Variants in FAR1 observed in about 807,000 individuals in gnomAD.
FAR1 encodes fatty acyl-CoA reductase 1, also known as male sterility domain-containing protein 2.
Under a neutral mutation model 61.1 loss-of-function variants are expected in FAR1, and 22 were observed. The ratio of observed to expected loss-of-function variants is 0.36; its 90% CI spans 0.26 to 0.51. The LOEUF (loss-of-function observed/expected upper bound fraction) is 0.51, where lower values mean the gene tolerates loss of function less well. Among genes scored for constraint, FAR1 ranks in the 20% least tolerant of loss-of-function variants. FAR1 has a pLI of 0.95. For missense variants in FAR1, 359 were observed against 626.9 expected, an observed-to-expected ratio of 0.57 and a Z score of 4.56; for synonymous variants, 206 against 209.7, an observed-to-expected ratio of 0.98 and a Z score of 0.15.
intron 1 of FAR1, among the ~76,000 whole-genome samples, chr11:13,688,693 G>C (rs1448608673): frequency 6.6e-6 from 1 of 152,020 alleles, no homozygotes; most frequent in Admixed American, 6.6e-5. Context: ...AGCTGATCTA[G>C]GTATGTTCTC....
intron 1 of FAR1, among the ~76,000 whole-genome samples, chr11:13,687,375 A>C (rs903058362): frequency 1.3e-5 from 2 of 152,304 alleles, no homozygotes; most frequent in Admixed American, 1.3e-4. Flanking sequence ...CCCTTCCCCA[A>C]GTGTGTGGGA....
At chr11:13,686,150 C>T (rs1047595649) in intron 1 of FAR1, among the ~76,000 whole-genome samples, 4 of 152,148 alleles carry the variant, frequency 2.6e-5, no homozygotes, top group African/African-American at 4.8e-5. Context: ...TGCTGAGGGA[C>T]CTCAGGCAAG....
intron 1 of FAR1, among the ~76,000 whole-genome samples, chr11:13,680,172 G>A (rs553440226): frequency 8.6e-4 from 131 of 152,334 alleles, no homozygotes; most frequent in African/African-American, 2.5e-3. Context: ...GGAACCCACT[G>A]TTATTAGGAG....
At chr11:13,724,621 G>GT (rs141541039) in intron 10 of FAR1, among the ~76,000 whole-genome samples, 188 of 150,692 alleles carry the variant, frequency 1.2e-3, no homozygotes, top group African/African-American at 4.4e-3. Flanking sequence ...TTTTCATCCA[G>GT]TGCCAGCTTC....
intron 9 of FAR1, 96 bp downstream of exon 9, chr11:13,714,776 A>C: frequency 9.0e-7 from 1 of 1,113,378 alleles, no homozygotes. Context: ...TATGCTTATG[A>C]TAAGGCTTAA....
intron 3 of FAR1, among the ~76,000 whole-genome samples, chr11:13,702,880 A>G (rs1051170989): frequency 1.3e-5 from 2 of 152,200 alleles, no homozygotes; most frequent in African/African-American, 4.8e-5. Flanking sequence ...CTGTCCCCCT[A>G]GGGTAAGCAA....
chr11:13,705,899 A>G (rs1003215506), intron 3 of FAR1, among the ~76,000 whole-genome samples: 1 of 152,132 alleles, frequency 6.6e-6, no homozygotes. Context: ...TCCTCTCCCA[A>G]ACAGTACCCT....
chr11:13,708,307 G>A (rs1459958290), intron 4 of FAR1, among the ~76,000 whole-genome samples: 2 of 151,532 alleles, frequency 1.3e-5, no homozygotes, highest in Non-Finnish European at 2.9e-5. Flanking sequence ...GCAGTGAGCC[G>A]AGATGGCGCC....
intron 9 of FAR1, 25 bp downstream of exon 9, chr11:13,714,705 T>C (rs1386866167): frequency 1.3e-6 from 2 of 1,575,486 alleles, no homozygotes; most frequent in Non-Finnish European, 1.7e-6. Context: ...CTCTGTCTTA[T>C]CTGTTCCTCT....
intron 1 of FAR1, chr11:13,686,552 A>G (rs1272254983): frequency 2.0e-5 from 3 of 152,204 alleles, no homozygotes; most frequent in Admixed American, 1.3e-4. Context: ...TTTTTAAAAA[A>G]TGACTAGTCA....
In FAR1 at chr11:13,728,892, T is replaced by TGAA; in HGVS notation, c.*120_*122dup. Reference sequence around the variant, plus strand: ...CATTAAACCATCTTAGATCGGAGTGTGAAGTAAATTATGGTATATTTTATG... The same window carrying TGAA: ...CATTAAACCATCTTAGATCGGAGTGTGAAGAAGTAAATTATGGTATATTTTATG... On this transcript the variant is annotated 3_prime_UTR_variant, in exon 12 of 12. Coordinates refer to ENST00000354817, the MANE Select transcript of FAR1 (RefSeq NM_032228.6). 2.2e-6 allele frequency: 2 copies of TGAA among 895,930 alleles called. No homozygotes were observed. Among genetic ancestry groups the TGAA allele is most frequent in the Non-Finnish European group, 3.4e-6 (2 of 590,322 alleles). 55.5% of individuals were successfully genotyped at this position (895,930 alleles called of 1,614,324 possible).
chr11:13,702,308 A>G (rs1848385550), intron 3 of FAR1, among the ~76,000 whole-genome samples: 1 of 152,028 alleles, frequency 6.6e-6, no homozygotes, highest in Non-Finnish European at 1.5e-5. Context: ...TTTTAGTCTT[A>G]CCTGTATATT....
At chr11:13,702,943 A>G (rs538991407) in intron 3 of FAR1, among the ~76,000 whole-genome samples, 4 of 152,342 alleles carry the variant, frequency 2.6e-5, no homozygotes, top group African/African-American at 9.6e-5. Flanking sequence ...TTCTTTTACT[A>G]GAGATGCCAT....
intron 3 of FAR1, among the ~76,000 whole-genome samples, chr11:13,706,770 C>T (rs955223117): frequency 1.3e-5 from 2 of 152,194 alleles, no homozygotes; most frequent in East Asian, 1.9e-4. Context: ...TATCCACCAT[C>T]TCATTACCTT....
At chr11:13,722,858 C>CTCTCTCTCTCTATATATA (rs905924337) in intron 10 of FAR1, among the ~76,000 whole-genome samples, 1 of 147,812 alleles carries the variant, frequency 6.8e-6, no homozygotes, top group African/African-American at 2.5e-5. Context: ...CTCTCTCTCT[C>CTCTCTCTCTCTATATATA]TATATATATA....
chr11:13,712,363 G>C (rs1472463502), intron 7 of FAR1, among the ~76,000 whole-genome samples: 1 of 151,392 alleles, frequency 6.6e-6, no homozygotes, highest in Non-Finnish European at 1.5e-5. Context: ...TATATAAAGA[G>C]CTGAAATTCA....
intron 3 of FAR1, among the ~76,000 whole-genome samples, chr11:13,702,631 C>T (rs1007915318): frequency 5.3e-5 from 8 of 152,108 alleles, no homozygotes; most frequent in African/African-American, 1.7e-4. Context: ...CCCCATAGTT[C>T]TGGCTTTTAT....
intron 2 of FAR1, among the ~76,000 whole-genome samples, chr11:13,696,066 G>T (rs1848303664): frequency 6.6e-6 from 1 of 152,082 alleles, no homozygotes; most frequent in Admixed American, 6.5e-5. Context: ...CATCAATGGG[G>T]CTGTAAAACC....
intron 3 of FAR1, among the ~76,000 whole-genome samples, chr11:13,706,428 C>A (rs1343024245): frequency 6.6e-6 from 1 of 152,072 alleles, no homozygotes; most frequent in Non-Finnish European, 1.5e-5. Flanking sequence ...TTTGTAGTAT[C>A]AACAACAGTG....
Sources: allele counts gnomAD v4.1 joint callset (sites outside exome capture counted in the v4.1 genomes callset), GRCh38; gene constraint gnomAD v4.1.1; transcripts MANE v1.5; gene names NCBI Gene and HGNC (gene_info 2026-07-23, HGNC 2026-07-21).